Variants in LRP1B observed in about 807,000 individuals in gnomAD.
LRP1B encodes LDL receptor related protein 1B, also known as low-density lipoprotein receptor-related protein 1B.
In LRP1B, 217 loss-of-function variants were observed where a neutral mutation model predicts 556.6. That is an observed-to-expected ratio of 0.39 (90% confidence interval 0.35 to 0.44). The LOEUF (loss-of-function observed/expected upper bound fraction) is 0.44. LRP1B is among the 20% of genes least tolerant of loss of function. The pLI, the probability that LRP1B is intolerant of heterozygous loss-of-function variation, is 1.00. For synonymous variants in LRP1B, 2,047 were observed against 1,865.8 expected, an observed-to-expected ratio of 1.10 and a Z score of -2.50; for missense variants, 5,053 against 5,620.8, an observed-to-expected ratio of 0.90 and a Z score of 3.23.
intron 2 of LRP1B, among the ~76,000 whole-genome samples, chr2:141,798,705 C>CAAAAAAAAAAAAAAAAAAAAAAAAAA: frequency 1.6e-5 from 1 of 62,116 alleles, no homozygotes. Context: ...GACTCTGTCT[C>CAAAAAAAAAAAAAAAAAAAAAAAAAA]AAAAAAAAAA....
chr2:140,407,816 T>C (rs958796100), intron 66 of LRP1B, among the ~76,000 whole-genome samples: 5 of 151,972 alleles, frequency 3.3e-5, no homozygotes, highest in Non-Finnish European at 7.4e-5. Context: ...GAGCCAGCAG[T>C]CCTACTACTG....
At chr2:141,243,201 G>A (rs1320252993) in intron 5 of LRP1B, among the ~76,000 whole-genome samples, 3 of 149,304 alleles carry the variant, frequency 2.0e-5, no homozygotes. Flanking sequence ...GCTAGCTTTT[G>A]TGTAGGTGTC....
chr2:141,549,589 T>A (rs1291786630), intron 2 of LRP1B, among the ~76,000 whole-genome samples: 1 of 152,200 alleles, frequency 6.6e-6, no homozygotes. Context: ...TTTATTCCCT[T>A]GTTTTCTTTA....
intron 35 of LRP1B, among the ~76,000 whole-genome samples, chr2:140,745,770 C>T (rs778949224): frequency 3.9e-5 from 6 of 152,010 alleles, no homozygotes; most frequent in Admixed American, 1.3e-4. Flanking sequence ...CAGTCCCTGA[C>T]CCACTGCTTC....
At chr2:141,574,713 T>G (rs575543750) in intron 2 of LRP1B, among the ~76,000 whole-genome samples, 3 of 152,018 alleles carry the variant, frequency 2.0e-5, no homozygotes, top group Non-Finnish European at 4.4e-5. Context: ...AACCCCAACA[T>G]CTCAGCCTAA....
At chr2:140,354,704 G>C (rs1410780587) in intron 75 of LRP1B, among the ~76,000 whole-genome samples, 1 of 151,906 alleles carries the variant, frequency 6.6e-6, no homozygotes, top group Non-Finnish European at 1.5e-5. Flanking sequence ...CTCATCTCTA[G>C]AAAGCCTGGA....
At chr2:140,603,570 C>T (rs972285143) in intron 41 of LRP1B, among the ~76,000 whole-genome samples, 7 of 152,088 alleles carry the variant, frequency 4.6e-5, no homozygotes, top group Non-Finnish European at 1.0e-4. Flanking sequence ...CATGACATAT[C>T]TTCCTCTTCG....
chr2:140,433,151 T>C (rs1686025148), intron 66 of LRP1B, among the ~76,000 whole-genome samples: 1 of 152,170 alleles, frequency 6.6e-6, no homozygotes, highest in Non-Finnish European at 1.5e-5. Context: ...CCGGCTGGAG[T>C]GCAGTGGTGC....
At chr2:140,446,741 G>C (rs1273252653) in intron 63 of LRP1B, among the ~76,000 whole-genome samples, 1 of 151,750 alleles carries the variant, frequency 6.6e-6, no homozygotes, top group African/African-American at 2.4e-5. Flanking sequence ...AAATATAGAG[G>C]GAAAGTTCCA....
At chr2:141,722,206 C>T (rs918048522) in intron 2 of LRP1B, among the ~76,000 whole-genome samples, 10 of 152,084 alleles carry the variant, frequency 6.6e-5, no homozygotes, top group African/African-American at 2.4e-4. Flanking sequence ...GGTGAAACCC[C>T]ATCTCTATTA....
intron 59 of LRP1B, among the ~76,000 whole-genome samples, chr2:140,482,448 T>A (rs1019705101): frequency 2.6e-5 from 4 of 152,152 alleles, no homozygotes; most frequent in African/African-American, 7.2e-5. Flanking sequence ...CTTATACATA[T>A]CCTGCATACA....
At chr2:140,561,381 T>C (rs147597352) in intron 43 of LRP1B, among the ~76,000 whole-genome samples, 1 of 152,300 alleles carries the variant, frequency 6.6e-6, no homozygotes, top group East Asian at 1.9e-4. Context: ...ATACCCTTCT[T>C]GTCCGATCAT....
chr2:141,483,495 T>G (rs190499021), intron 2 of LRP1B, among the ~76,000 whole-genome samples: 36,631 of 99,084 alleles, frequency 0.37, 7,662 homozygotes, highest in Non-Finnish European at 0.42. Flanking sequence ...GGATGGCTGG[T>G]TCAAATGGTA....
intron 6 of LRP1B, chr2:141,208,450 C>G (rs1682379031): frequency 6.6e-6 from 1 of 152,244 alleles, no homozygotes; most frequent in Non-Finnish European, 1.5e-5. Flanking sequence ...CGCTTGGCTA[C>G]TGGCATAGAG....
intron 2 of LRP1B, among the ~76,000 whole-genome samples, chr2:141,682,965 G>A (rs1198084587): frequency 1.3e-5 from 2 of 152,112 alleles, no homozygotes; most frequent in Admixed American, 6.6e-5. Context: ...AAATGTGGAG[G>A]GGAAGCTCTT....
chr2:140,402,343 T>C (rs1351231378), intron 66 of LRP1B, among the ~76,000 whole-genome samples: 5 of 152,174 alleles, frequency 3.3e-5, no homozygotes, highest in Non-Finnish European at 7.3e-5. Flanking sequence ...TTGAGGCTCA[T>C]GAAGAGTCTT....
chr2:141,689,644 CA>C (rs906757026), intron 2 of LRP1B, among the ~76,000 whole-genome samples: 52 of 151,770 alleles, frequency 3.4e-4, no homozygotes, highest in African/African-American at 1.2e-3. Context: ...GATAATAGAT[CA>C]TTTTCTTCTC....
intron 46 of LRP1B, 116 bp from the exon 47 acceptor site, chr2:140,534,256 G>A: frequency 1.0e-6 from 1 of 986,702 alleles, no homozygotes; most frequent in East Asian, 2.6e-5. Context: ...TATAAAACAA[G>A]TGCTGTGCCA....
intron 1 of LRP1B, among the ~76,000 whole-genome samples, chr2:141,955,131 T>C (rs1701211390): frequency 6.6e-6 from 1 of 152,154 alleles, no homozygotes; most frequent in Non-Finnish European, 1.5e-5. Flanking sequence ...CCATATAAAA[T>C]ACAGGATGCC....
Sources: gnomAD v4.1 joint callset for allele counts (sites outside exome capture counted in the v4.1 genomes callset) on GRCh38, gnomAD v4.1.1 for gene constraint, MANE v1.5 for transcripts, NCBI Gene and HGNC (gene_info 2026-07-23, HGNC 2026-07-21) for gene names.